NFATC3: variants seen among roughly 807,000 people sequenced by gnomAD.
The protein encoded by NFATC3 is nuclear factor of activated T cells 3.
Under a neutral mutation model 98.6 loss-of-function variants are expected in NFATC3, and 46 were observed. That is an observed-to-expected ratio of 0.47 (90% CI 0.37 to 0.60). The LOEUF is 0.60. NFATC3 is among the 20% of genes least tolerant of loss of function. NFATC3 has a pLI of 0.00. For synonymous variants in NFATC3, 512 were observed against 472.2 expected, an observed-to-expected ratio of 1.08 and a Z score of -1.09; for missense variants, 1,256 against 1,295.5, an observed-to-expected ratio of 0.97 and a Z score of 0.47.
intron 3 of NFATC3, among the ~76,000 whole-genome samples, chr16:68,143,838 C>T (rs1278623653): frequency 1.3e-5 from 2 of 151,874 alleles, no homozygotes; most frequent in African/African-American, 2.4e-5. Flanking sequence ...GGCAACAGAG[C>T]GAGACTCCAT....
rs756565898 is a variant in NFATC3, at chr16:68,191,491, G to A, written c.2822G>A (p.Gly941Glu). Residue 941 changes from glycine to glutamate, a missense_variant, in exon 9 of 10, where the codon GGG becomes GAG. This residue lies in a region of NFATC3 where 636 missense variants were observed against 617.3 expected (regional missense o/e 1.03). Transcript: ENST00000346183. ...CCCTTGGCTAGTTCACCGCTTTCTG[G>A]GCCACCATCTCCTCAGCTTCAGCCT... ...SHPLASSPLSGPPSPQLQPMP... is the reference protein window; with the variant it reads ...SHPLASSPLSEPPSPQLQPMP... 6.2e-7 allele frequency: 1 copy of A among 1,613,980 alleles called. No homozygotes were observed. Among genetic ancestry groups the A allele is most frequent in the South Asian group, 1.1e-5 (1 of 91,074 alleles).
chr16:68,223,446 G>A (rs1294031249), intron 9 of NFATC3, among the ~76,000 whole-genome samples: 1 of 152,180 alleles, frequency 6.6e-6, no homozygotes, highest in Non-Finnish European at 1.5e-5. Flanking sequence ...CACGGTTCTT[G>A]CCATTAGAAG....
At chr16:68,123,691 A>T (rs555403569) in intron 2 of NFATC3, among the ~76,000 whole-genome samples, 3 of 151,922 alleles carry the variant, frequency 2.0e-5, no homozygotes, top group Non-Finnish European at 4.4e-5. Flanking sequence ...TATAATATGA[A>T]TTTAATTACT....
chr16:68,153,468 A>G (rs2038448365), intron 3 of NFATC3, among the ~76,000 whole-genome samples: 1 of 152,178 alleles, frequency 6.6e-6, no homozygotes, highest in Non-Finnish European at 1.5e-5. Flanking sequence ...TTATTGTGCT[A>G]CAGCATTATG....
At chr16:68,133,621 G>A (rs1432331585) in intron 3 of NFATC3, among the ~76,000 whole-genome samples, 1 of 152,044 alleles carries the variant, frequency 6.6e-6, no homozygotes. Context: ...AGATAATCAT[G>A]CTTCTCAATT....
chr16:68,090,312 T>A (rs2034636406), intron 1 of NFATC3, among the ~76,000 whole-genome samples: 2 of 122,400 alleles, frequency 1.6e-5, no homozygotes, highest in African/African-American at 3.2e-5. Flanking sequence ...CCCCCCAACA[T>A]TTCTTTAAAA....
chr16:68,208,644 C>A (rs757828612), intron 9 of NFATC3, among the ~76,000 whole-genome samples: 1 of 151,912 alleles, frequency 6.6e-6, no homozygotes, highest in Admixed American at 6.6e-5. Context: ...GCAGGAGAAT[C>A]GCTTGAACCT....
intron 1 of NFATC3, among the ~76,000 whole-genome samples, chr16:68,107,718 G>T (rs749698586): frequency 6.6e-6 from 1 of 151,554 alleles, no homozygotes; most frequent in Non-Finnish European, 1.5e-5. Flanking sequence ...GTGAGACACT[G>T]TATCAAAAAA....
chr16:68,212,218 A>G (rs2041437758), intron 9 of NFATC3, among the ~76,000 whole-genome samples: 1 of 152,254 alleles, frequency 6.6e-6, no homozygotes, highest in East Asian at 1.9e-4. Context: ...GTGATCTCAA[A>G]TAATAAACAA....
chr16:68,211,675 A>T (rs1163766229), intron 9 of NFATC3, among the ~76,000 whole-genome samples: 3 of 147,228 alleles, frequency 2.0e-5, no homozygotes, highest in African/African-American at 7.6e-5. Flanking sequence ...GGCATCTACC[A>T]CACGCCCAGC....
chr16:68,215,754 G>A (rs1301228280), intron 9 of NFATC3, among the ~76,000 whole-genome samples: 1 of 119,942 alleles, frequency 8.3e-6, no homozygotes, highest in African/African-American at 3.2e-5. Flanking sequence ...TTGAGATGGA[G>A]TCTTGCTCTG....
chr16:68,134,014 C>G (rs560077192), intron 3 of NFATC3, among the ~76,000 whole-genome samples: 1 of 152,056 alleles, frequency 6.6e-6, no homozygotes, highest in African/African-American at 2.4e-5. Context: ...TATAAAAGTT[C>G]TTATTCCTCC....
intron 2 of NFATC3, among the ~76,000 whole-genome samples, chr16:68,123,854 A>G (rs1191920541): frequency 1.3e-5 from 2 of 151,428 alleles, no homozygotes; most frequent in Non-Finnish European, 2.9e-5. Context: ...GTGTGGTGGC[A>G]CACACCTATA....
At chr16:68,177,298 G>A (rs937096161) in intron 6 of NFATC3, among the ~76,000 whole-genome samples, 3 of 152,014 alleles carry the variant, frequency 2.0e-5, no homozygotes, top group East Asian at 1.9e-4. Flanking sequence ...TGATCCGCCC[G>A]TCTTGGCCTC....
intron 1 of NFATC3, among the ~76,000 whole-genome samples, chr16:68,107,926 T>A (rs1222840823): frequency 3.3e-5 from 5 of 151,458 alleles, no homozygotes; most frequent in African/African-American, 9.7e-5. Context: ...TTATTTTTTT[T>A]TTTTTTGTAA....
chr16:68,183,290 T>G lies in NFATC3; in HGVS notation c.2022T>G (p.Ala674=), dbSNP rs1238124407. 3 of 1,609,680 alleles carry G rather than the reference T, an allele frequency of 1.9e-6. No homozygotes were observed. The highest frequency in any genetic ancestry group is 1.3e-5 in the African/African-American group (1 of 74,634). Residue 674 remains alanine, a synonymous_variant, in exon 8 of 10, where the codon GCT becomes GCG. Coordinates refer to ENST00000346183, the MANE Select transcript of NFATC3 (RefSeq NM_173165.3). ...VPPYHNPAVT[A]AVQVHFYLCN... ...CATATCATAACCCAGCAGTTACAGC[T>G]GCAGTGCAGGTGCACTTTTATCTTT...
intron 1 of NFATC3, among the ~76,000 whole-genome samples, chr16:68,112,778 C>G (rs1423874703): frequency 1.3e-5 from 2 of 151,386 alleles, no homozygotes; most frequent in Non-Finnish European, 2.9e-5. Flanking sequence ...CCTGCCTCAG[C>G]CTCCCGACAT....
At chr16:68,160,253 CAGG>C (rs1211418575) in intron 4 of NFATC3, among the ~76,000 whole-genome samples, 1 of 151,950 alleles carries the variant, frequency 6.6e-6, no homozygotes, top group Admixed American at 6.6e-5. Flanking sequence ...ACTTGAGGGT[CAGG>C]AGTTCGAGAC....
intron 6 of NFATC3, among the ~76,000 whole-genome samples, chr16:68,175,816 C>T (rs1237405323): frequency 2.0e-5 from 3 of 149,318 alleles, no homozygotes; most frequent in Non-Finnish European, 3.0e-5. Context: ...CCACCTCAGC[C>T]TCCCAAAGTG....
Sources: allele counts gnomAD v4.1 joint callset (sites outside exome capture counted in the v4.1 genomes callset), GRCh38; gene constraint gnomAD v4.1.1; regional missense constraint gnomAD v4.1.1; transcripts MANE v1.5; gene names NCBI Gene and HGNC (gene_info 2026-07-23, HGNC 2026-07-21).